PAX3: variants seen among roughly 807,000 people sequenced by gnomAD.
PAX3 encodes paired box 3.
Under a neutral mutation model 51.6 loss-of-function variants are expected in PAX3, and 14 were observed. The observed-to-expected ratio is 0.27, with a 90% confidence interval of 0.18 to 0.42. The LOEUF (loss-of-function observed/expected upper bound fraction) is 0.42, where lower values mean the gene tolerates loss of function less well. Among genes scored for constraint, PAX3 ranks in the 10% least tolerant of loss-of-function variants. The pLI is 1.00. For missense variants in PAX3, 540 were observed against 642.8 expected, an observed-to-expected ratio of 0.84 and a Z score of 1.73; for synonymous variants, 280 against 253.4, an observed-to-expected ratio of 1.11 and a Z score of -1.00.
chr2:222,288,686 A>C (rs550080637), intron 4 of PAX3, among the ~76,000 whole-genome samples: 1 of 152,354 alleles, frequency 6.6e-6, no homozygotes, highest in African/African-American at 2.4e-5. Flanking sequence ...TTTGATGATA[A>C]ATTCACCATC....
At chr2:222,261,075 T>C (rs768355741) in intron 4 of PAX3, among the ~76,000 whole-genome samples, 4 of 152,234 alleles carry the variant, frequency 2.6e-5, no homozygotes, top group Admixed American at 6.5e-5. Flanking sequence ...ATAAACTTTA[T>C]CCTTAGCTAT....
chr2:222,219,678 T>C (rs990322819), intron 7 of PAX3, among the ~76,000 whole-genome samples: 1 of 152,236 alleles, frequency 6.6e-6, no homozygotes, highest in African/African-American at 2.4e-5. Flanking sequence ...GCTTCCTCTC[T>C]GATTGTTTTG....
At chr2:222,291,577 A>C (rs963722657) in intron 4 of PAX3, among the ~76,000 whole-genome samples, 2 of 152,142 alleles carry the variant, frequency 1.3e-5, no homozygotes, top group Non-Finnish European at 2.9e-5. Context: ...AGTGTCTGCC[A>C]AGCAGACCTC....
intron 4 of PAX3, among the ~76,000 whole-genome samples, chr2:222,245,069 A>C (rs2106116434): frequency 6.6e-6 from 1 of 152,298 alleles, no homozygotes; most frequent in South Asian, 2.1e-4. Flanking sequence ...AATCACTTGA[A>C]ACTGGGAGGC....
At chr2:222,213,917 C>T (rs1395659429) in intron 7 of PAX3, among the ~76,000 whole-genome samples, 1 of 152,160 alleles carries the variant, frequency 6.6e-6, no homozygotes, top group Non-Finnish European at 1.5e-5. Flanking sequence ...GGCTGTACCG[C>T]CAGGGTGAAC....
At chr2:222,232,044 C>G in intron 5 of PAX3, 34 bp downstream of exon 5, 1 of 1,595,296 alleles carries the variant, frequency 6.3e-7, no homozygotes, top group Non-Finnish European at 8.6e-7. Flanking sequence ...CCTGTCTGGA[C>G]TGAAGTAGGA....
At chr2:222,248,131 C>A (rs1693295249) in intron 4 of PAX3, among the ~76,000 whole-genome samples, 1 of 151,946 alleles carries the variant, frequency 6.6e-6, no homozygotes, top group Non-Finnish European at 1.5e-5. Context: ...TGATTAATAA[C>A]CAATTTTATA....
intron 5 of PAX3, among the ~76,000 whole-genome samples, chr2:222,223,615 G>A (rs1008109755): frequency 1.3e-5 from 2 of 152,182 alleles, no homozygotes; most frequent in Non-Finnish European, 2.9e-5. Context: ...TGTGGTTGTA[G>A]TTTATATTAT....
chr2:222,209,739 A>T (rs983640744), intron 7 of PAX3, among the ~76,000 whole-genome samples: 3 of 104,968 alleles, frequency 2.9e-5, no homozygotes, highest in Non-Finnish European at 5.9e-5. Flanking sequence ...AAAAAAAAAA[A>T]AAATTAGCTG....
intron 4 of PAX3, among the ~76,000 whole-genome samples, chr2:222,250,129 G>C (rs45441394): frequency 6.6e-6 from 1 of 152,128 alleles, no homozygotes; most frequent in Non-Finnish European, 1.5e-5. Flanking sequence ...TCTTATGAGC[G>C]TGATTGCACC....
chr2:222,233,158 C>G (rs1011622271), intron 4 of PAX3: 8 of 140,108 alleles, frequency 5.7e-5, no homozygotes, highest in African/African-American at 2.2e-4. Context: ...AAGGCAACAA[C>G]AGATCATTAA....
At chr2:222,204,823 T>C (rs1028434968) in intron 7 of PAX3, among the ~76,000 whole-genome samples, 1 of 152,190 alleles carries the variant, frequency 6.6e-6, no homozygotes, top group Admixed American at 6.5e-5. Context: ...TTACTTGAAA[T>C]TCAGTCAATG....
chr2:222,273,920 C>A (rs893936477), intron 4 of PAX3, among the ~76,000 whole-genome samples: 3 of 152,068 alleles, frequency 2.0e-5, no homozygotes, highest in Non-Finnish European at 4.4e-5. Context: ...TAGAAAATGG[C>A]CATCTTTTGA....
chr2:222,263,126 A>G (rs919896004), intron 4 of PAX3: 1 of 152,188 alleles, frequency 6.6e-6, no homozygotes, highest in African/African-American at 2.4e-5. Context: ...ACTTCATCAA[A>G]ATAAAACTTT....
chr2:222,285,199 T>A (rs1429195431), intron 4 of PAX3, among the ~76,000 whole-genome samples: 1 of 152,266 alleles, frequency 6.6e-6, no homozygotes, highest in Non-Finnish European at 1.5e-5. Flanking sequence ...GACACACACA[T>A]GCACACATGC....
chr2:222,293,909 C>T, intron 4 of PAX3: 1 of 1,567,574 alleles, frequency 6.4e-7, no homozygotes. Context: ...ATTCACAGTT[C>T]TAGAATCCCA....
chr2:222,294,111 AGCCGAT>A, intron 4 of PAX3, 50 bp downstream of exon 4: 1 of 1,611,792 alleles, frequency 6.2e-7, no homozygotes, highest in Admixed American at 1.7e-5. Flanking sequence ...AATGTCAGCT[AGCCGAT>A]GCCCTCCAAG....
intron 7 of PAX3, among the ~76,000 whole-genome samples, chr2:222,207,932 T>C (rs938269059): frequency 6.6e-6 from 1 of 151,768 alleles, no homozygotes; most frequent in Non-Finnish European, 1.5e-5. Context: ...ATATAAAGGG[T>C]TTTTCAGGCT....
intron 4 of PAX3, among the ~76,000 whole-genome samples, chr2:222,279,477 A>G (rs1694559693): frequency 6.6e-6 from 1 of 152,248 alleles, no homozygotes; most frequent in South Asian, 2.1e-4. Flanking sequence ...AAAGTGGGGA[A>G]AAACATTTTC....
Sources: allele counts gnomAD v4.1 joint callset (sites outside exome capture counted in the v4.1 genomes callset), GRCh38; gene constraint gnomAD v4.1.1; transcripts MANE v1.5; gene names NCBI Gene and HGNC (gene_info 2026-07-23, HGNC 2026-07-21).